The following SREBF2 variants were observed in gnomAD, a reference collection of about 807,000 sequenced individuals.
SREBF2 encodes the protein sterol regulatory element-binding protein 2.
In SREBF2, 55 loss-of-function variants were observed where a neutral mutation model predicts 113.1. The ratio of observed to expected loss-of-function variants is 0.49; its 90% CI spans 0.39 to 0.61. The LOEUF is 0.61. SREBF2 is among the 20% of genes least tolerant of loss of function. The pLI, the probability that SREBF2 is intolerant of heterozygous loss-of-function variation, is 0.00. For missense variants in SREBF2, 1,349 were observed against 1,487.4 expected, an observed-to-expected ratio of 0.91 and a Z score of 1.53; for synonymous variants, 593 against 605.7, an observed-to-expected ratio of 0.98 and a Z score of 0.31.
chr22:41,878,725 A>G, intron 9 of SREBF2: 13 of 1,304,332 alleles, frequency 1.0e-5, no homozygotes, highest in Non-Finnish European at 1.1e-5. Flanking sequence ...CCACATTTCA[A>G]GAGGAACAAG....
At position 41,868,796 on chromosome 22, in the gene SREBF2, A is replaced by C. The variant is rs374600446; in HGVS notation, c.720+4A>C. 4.4e-6 allele frequency: 7 copies of C among 1,604,998 alleles called. No individual in the cohort carries two copies. In the African/African-American group the frequency reaches 9.4e-5, roughly 22 times the overall value. On this transcript the variant is annotated splice_donor_region_variant and intron_variant, in intron 3 of 18. Transcript: ENST00000361204. ...GCCACAGGTGCAGCAGGTCCCGGTA[A>C]GTGGCTGGAAAGGATTCAGGGAGGC...
intron 1 of SREBF2, among the ~76,000 whole-genome samples, chr22:41,847,929 T>TC (rs2076892735): frequency 6.7e-6 from 1 of 150,292 alleles, no homozygotes; most frequent in African/African-American, 2.4e-5. Flanking sequence ...TATTTTTTTT[T>TC]TTTTGAGACG....
chr22:41,873,788 C>T lies in SREBF2; in HGVS notation c.868-10C>T. ...GGGATCATTCTGCTGTGTACCTGTCCCTATTCTAGACCCTGGTGGGCAGCA... is the reference window on the plus strand; with the variant it reads ...GGGATCATTCTGCTGTGTACCTGTCTCTATTCTAGACCCTGGTGGGCAGCA... On this transcript the variant is annotated splice_polypyrimidine_tract_variant and intron_variant, in intron 4 of 18. Coordinates refer to ENST00000361204, the MANE Select transcript of SREBF2 (RefSeq NM_004599.4). 1.9e-6 allele frequency: 3 copies of T among 1,594,722 alleles called. No homozygotes were observed. The highest frequency in any genetic ancestry group is 2.6e-6 in the Non-Finnish European group (3 of 1,169,876).
At chr22:41,857,351 C>T (rs1186794324) in intron 1 of SREBF2, among the ~76,000 whole-genome samples, 1 of 152,170 alleles carries the variant, frequency 6.6e-6, no homozygotes, top group Non-Finnish European at 1.5e-5. Context: ...AAAGCCTGGA[C>T]TTCCACTGCT....
intron 11 of SREBF2, among the ~76,000 whole-genome samples, chr22:41,887,101 G>A (rs1042964387): frequency 1.1e-4 from 17 of 152,238 alleles, no homozygotes; most frequent in Non-Finnish European, 2.9e-5. Context: ...TGTAATCCCA[G>A]CTACTTGGGA....
At position 41,870,970 on chromosome 22, in the gene SREBF2, G is replaced by A; in HGVS notation, c.802G>A (p.Ala268Thr). The A allele has an allele frequency of 6.2e-7, 1 of 1,614,062 alleles. No homozygotes were observed. The highest frequency in any genetic ancestry group is 8.5e-7 in the Non-Finnish European group (1 of 1,179,998). ...GACAGATGGCAGCCCTGTTATGGCT[G>A]CGGTCCAGAACCCGGCCCTCACCGC... ...LKTDGSPVMA[A>T]VQNPALTALT... The change falls in exon 4 of 19, where the codon GCG becomes ACG. Residue 268 changes from alanine (A) to threonine (T), a missense_variant. By Grantham distance (58) the Ala-to-Thr change is moderately conservative. Around this residue, in one of 2 missense-constraint regions of SREBF2, gnomAD observed 699 missense variants for 843.3 expected, o/e 0.83. Transcript: ENST00000361204.
In SREBF2 at chr22:41,878,119, C is replaced by T; in HGVS notation, c.1757C>T (p.Ala586Val). 1.2e-6 allele frequency: 2 copies of T among 1,614,010 alleles called. No individual in the cohort carries two copies. The highest frequency in any genetic ancestry group is 1.7e-6 in the Non-Finnish European group (2 of 1,180,028). Residue 586 changes from alanine (A) to valine (V), a missense_variant, in exon 9 of 19, where the codon GCC becomes GTC. This residue lies in a region of SREBF2 where 699 missense variants were observed against 843.3 expected (regional missense o/e 0.83). Coordinates refer to ENST00000361204, the MANE Select transcript of SREBF2 (RefSeq NM_004599.4). ...CGGAAACAGGCAGATCTGGATCTCG[C>T]CAGAGTGAGTTCTGTGTCCGCCCTT... Reference protein sequence around the residue: ...RHRKQADLDLARGDFAAAAGN... With the variant: ...RHRKQADLDLVRGDFAAAAGN...
chr22:41,850,850 C>T (rs1318499684), intron 1 of SREBF2, among the ~76,000 whole-genome samples: 2 of 152,110 alleles, frequency 1.3e-5, no homozygotes, highest in Non-Finnish European at 2.9e-5. Context: ...AAGTGATTCT[C>T]CTGCCTCAGC....
chr22:41,860,468 A>G (rs988664086), intron 1 of SREBF2, among the ~76,000 whole-genome samples: 2 of 152,234 alleles, frequency 1.3e-5, no homozygotes, highest in Admixed American at 1.3e-4. Flanking sequence ...TAGCAGGAGC[A>G]TAGATTTTTG....
At chr22:41,895,659 C>A (rs892299550) in intron 13 of SREBF2, among the ~76,000 whole-genome samples, 1 of 148,590 alleles carries the variant, frequency 6.7e-6, no homozygotes, top group Non-Finnish European at 1.5e-5. Flanking sequence ...TGGTCTTGAA[C>A]TCCTGATCTC....
chr22:41,880,940 C>G lies in SREBF2; in HGVS notation c.1986C>G (p.Ser662Arg). 6.2e-7 allele frequency: 1 copy of G among 1,612,404 alleles called. No individual in the cohort carries two copies. Among genetic ancestry groups the G allele is most frequent in the Non-Finnish European group, 8.5e-7 (1 of 1,180,024 alleles). Residue 662 changes from serine to arginine, a missense_variant, in exon 10 of 19, where the codon AGC becomes AGG. This residue lies in a region of SREBF2 where 650 missense variants were observed against 644.1 expected (regional missense o/e 1.01). Transcript: ENST00000361204. ...EAGFEDEAKT[S>R]ARDAALAYHR... ...GCTTTGAAGACGAAGCTAAGACCAG[C>G]GCCCGGGATGCGGCTCTGGCCTATC...
chr22:41,891,874 C>G (rs762216307), intron 11 of SREBF2, among the ~76,000 whole-genome samples: 8 of 152,328 alleles, frequency 5.3e-5, no homozygotes, highest in Non-Finnish European at 1.2e-4. Flanking sequence ...TGAAAATACC[C>G]TCACTCAAAA....
At chr22:41,848,350 G>A (rs759194550) in intron 1 of SREBF2, among the ~76,000 whole-genome samples, 1 of 152,056 alleles carries the variant, frequency 6.6e-6, no homozygotes, top group Non-Finnish European at 1.5e-5. Flanking sequence ...GCCTCCCAAA[G>A]TGCTGGGATT....
At chr22:41,904,596 T>G in intron 17 of SREBF2, 1 of 644,802 alleles carries the variant, frequency 1.6e-6, no homozygotes, top group East Asian at 3.2e-5. Context: ...ACGAGGTGCG[T>G]CCAGGGCTTT....
chr22:41,871,177 C>T, intron 4 of SREBF2, 142 bp downstream of exon 4: 1 of 1,187,164 alleles, frequency 8.4e-7, no homozygotes, highest in Non-Finnish European at 1.2e-6. Flanking sequence ...AATGTCACCC[C>T]TCTTAGTTGT....
In SREBF2 at chr22:41,900,401, G is replaced by A. The variant is rs1330376493; in HGVS notation, c.2810G>A (p.Gly937Glu). ...MHASLPGKAD[G>E]QQSSFCHCER... ...GCCTCACTCCCTGGGAAAGCAGATG[G>A]GCAGCAGAGTTCCTTCTGCCATTGC... The change falls in exon 16 of 19, where the codon GGG becomes GAG. Residue 937 changes from glycine (G) to glutamate (E), a missense_variant. This residue lies in a region of SREBF2 where 650 missense variants were observed against 644.1 expected (regional missense o/e 1.01). Transcript: ENST00000361204. The A allele has an allele frequency of 6.2e-7, 1 of 1,613,906 alleles. No individual in the cohort carries two copies. Among genetic ancestry groups the A allele is most frequent in the Non-Finnish European group, 8.5e-7 (1 of 1,180,044 alleles).
intron 3 of SREBF2, among the ~76,000 whole-genome samples, chr22:41,869,958 C>T (rs952269293): frequency 2.0e-5 from 3 of 151,746 alleles, no homozygotes; most frequent in Non-Finnish European, 4.4e-5. Context: ...TGGGTTCAAG[C>T]AATTCTCCTG....
rs368892957 is a variant in SREBF2 at position 41,877,380 on chromosome 22, C to G, written c.1538C>G (p.Pro513Arg). The G allele has an allele frequency of 8.1e-6, 13 of 1,614,022 alleles. No homozygotes were observed. Among genetic ancestry groups the G allele is most frequent in the African/African-American group, 1.3e-5 (1 of 74,916 alleles). The change falls in exon 8 of 19, where the codon CCA becomes CGA. Residue 513 changes from proline to arginine, a missense_variant. By Grantham distance (103) the Pro-to-Arg change is moderately radical. Coordinates refer to ENST00000361204, the MANE Select transcript of SREBF2 (RefSeq NM_004599.4). ...GGGGCCCACGACTCTGACCAGCACC[C>G]ACACTCAGGCTCTGGCCGCAGTGTC... Reference protein sequence around the residue: ...WGGAHDSDQHPHSGSGRSVLS... With the variant: ...WGGAHDSDQHRHSGSGRSVLS...
chr22:41,892,047 C>G (rs1212875960), intron 11 of SREBF2, among the ~76,000 whole-genome samples: 2 of 152,206 alleles, frequency 1.3e-5, no homozygotes, highest in Admixed American at 6.5e-5. Flanking sequence ...CCCCTCTGTT[C>G]TTTCTCGCAG....
Sources: allele counts gnomAD v4.1 joint callset (sites outside exome capture counted in the v4.1 genomes callset), GRCh38; gene constraint gnomAD v4.1.1; regional missense constraint gnomAD v4.1.1; transcripts MANE v1.5; gene names NCBI Gene and HGNC (gene_info 2026-07-23, HGNC 2026-07-21).